CPED1: variants seen among roughly 807,000 people sequenced by gnomAD.
CPED1 encodes the protein cadherin-like and PC-esterase domain-containing protein 1.
A neutral mutation model predicts 128.2 loss-of-function variants in CPED1; 114 were observed. That is an observed-to-expected ratio of 0.89 (90% CI 0.76 to 1.04). The LOEUF (loss-of-function observed/expected upper bound fraction) is 1.04. CPED1 is among the 50% of genes least tolerant of loss of function. CPED1 has a pLI of 0.00. For missense variants in CPED1, 1,211 were observed against 1,207.1 expected (o/e 1.00, Z -0.05); for synonymous variants, 462 against 426.7 (o/e 1.08, Z -1.02).
chr7:121,286,278 C>T (rs544331001), intron 22 of CPED1, among the ~76,000 whole-genome samples: 11 of 152,200 alleles, frequency 7.2e-5, no homozygotes, highest in East Asian at 1.9e-4. Context: ...CTACAATTCA[C>T]GATGAGATTC....
At chr7:121,289,058 T>C (rs535869503) in intron 22 of CPED1, among the ~76,000 whole-genome samples, 1 of 152,238 alleles carries the variant, frequency 6.6e-6, no homozygotes, top group East Asian at 1.9e-4. Context: ...GAAAGAGCTG[T>C]ACACAGTAGA....
chr7:121,061,878 G>T (rs145875043), intron 4 of CPED1, among the ~76,000 whole-genome samples: 60 of 152,274 alleles, frequency 3.9e-4, no homozygotes, highest in African/African-American at 1.4e-3. Flanking sequence ...CATGACCCTT[G>T]AATGTTTTTA....
chr7:121,189,760 T>TTTTATATATATATATA (rs1472274298), intron 16 of CPED1, among the ~76,000 whole-genome samples: 4 of 47,466 alleles, frequency 8.4e-5, no homozygotes, highest in Admixed American at 3.2e-4. Flanking sequence ...TTATGAGGTT[T>TTTTATATATATATATA]TATATATATA....
chr7:121,278,685 A>G (rs1240039076), intron 22 of CPED1, among the ~76,000 whole-genome samples: 2 of 152,164 alleles, frequency 1.3e-5, no homozygotes, highest in African/African-American at 2.4e-5. Flanking sequence ...GAATAAATTC[A>G]CTGGTCATGA....
intron 18 of CPED1, among the ~76,000 whole-genome samples, chr7:121,252,452 C>A (rs369827916): frequency 4.0e-5 from 6 of 150,914 alleles, no homozygotes; most frequent in African/African-American, 1.2e-4. Flanking sequence ...GCAACAAAAG[C>A]CAAAATTGAC....
At chr7:121,114,061 AC>A in intron 7 of CPED1, among the ~76,000 whole-genome samples, 1 of 152,020 alleles carries the variant, frequency 6.6e-6, no homozygotes, top group East Asian at 1.9e-4. Context: ...CGACCTCCTG[AC>A]CTCGTGATCC....
rs559485575 is a variant in CPED1, at chr7:121,295,884, T to C, written c.*232T>C. 4.8e-5 allele frequency: 20 copies of C among 417,180 alleles called. 1 individual carries two copies. The highest frequency in any genetic ancestry group is 6.3e-4 in the Middle Eastern group (1 of 1,588). The allele number at this position is 417,180 out of a possible 1,614,324, so 25.8% of individuals were successfully genotyped here. A position where few individuals can be genotyped will look rare whatever the true frequency, so the allele number is the denominator to read the frequency against. On this transcript the variant is annotated 3_prime_UTR_variant, in exon 23 of 23. Transcript: ENST00000310396. The stretch of plus-strand genomic sequence containing the variant: ...CACCAGTCCATTTCACAGTGAAAGA[T>C]ATACCTAGAGAAACGTTACTTGAAG...
chr7:121,053,822 G>A (rs1793424640), intron 4 of CPED1, among the ~76,000 whole-genome samples: 1 of 152,012 alleles, frequency 6.6e-6, no homozygotes, highest in African/African-American at 2.4e-5. Context: ...TGGACTAATG[G>A]ATATTTGTTG....
Position 121,161,170 on chromosome 7 carries a change from A to G in CPED1, c.2055+19029A>G, listed in dbSNP as rs77497343. On this transcript the variant is annotated intron_variant, in intron 16 of 22. Coordinates refer to ENST00000310396, the MANE Select transcript of CPED1 (RefSeq NM_024913.5). ...TTTGGTAGCTTAGAAATCCAGGGGC[A>G]GTGGGACGGTGTTCTCTGCTCAGAG... 6.9e-3 allele frequency among the ~76,000 whole-genome samples: 1,056 copies of G among 152,278 alleles called. 5 individuals carry two copies. Among genetic ancestry groups the G allele is most frequent in the Middle Eastern group, 0.027 (8 of 294 alleles).
chr7:121,248,856 CAT>C (rs1798601210), intron 18 of CPED1, among the ~76,000 whole-genome samples: 2 of 152,180 alleles, frequency 1.3e-5, no homozygotes, highest in South Asian at 4.1e-4. Context: ...AAATGATAGA[CAT>C]AGAATTCAGA....
At chr7:121,201,309 A>G (rs1563063540) in intron 16 of CPED1, among the ~76,000 whole-genome samples, 1 of 152,026 alleles carries the variant, frequency 6.6e-6, no homozygotes, top group Admixed American at 6.6e-5. Flanking sequence ...GCACACACCT[A>G]TAATTGCAGC....
At chr7:121,023,141 G>A (rs1001521773) in intron 3 of CPED1, among the ~76,000 whole-genome samples, 15 of 151,996 alleles carry the variant, frequency 9.9e-5, no homozygotes, top group African/African-American at 3.1e-4. Context: ...AATTATTTAC[G>A]TATACTTCAA....
At chr7:121,117,023 CATT>C (rs1413567735) in intron 7 of CPED1, among the ~76,000 whole-genome samples, 5 of 145,682 alleles carry the variant, frequency 3.4e-5, no homozygotes, top group South Asian at 4.3e-4. Context: ...TATATACACA[CATT>C]ATATGTATAT....
chr7:121,130,071 AT>A, intron 11 of CPED1, 53 bp from the exon 12 acceptor site: 1 of 1,355,744 alleles, frequency 7.4e-7, no homozygotes, highest in Middle Eastern at 1.8e-4. Context: ...GTTCATAGTA[AT>A]ACTACATTAT....
At chr7:121,102,404 G>T (rs1390180315) in intron 7 of CPED1, among the ~76,000 whole-genome samples, 1 of 152,050 alleles carries the variant, frequency 6.6e-6, no homozygotes, top group Non-Finnish European at 1.5e-5. Flanking sequence ...GTGAATCCAA[G>T]GAGAAGGGAC....
intron 14 of CPED1, 56 bp downstream of exon 14, chr7:121,136,146 A>G: frequency 1.3e-6 from 2 of 1,489,264 alleles, no homozygotes; most frequent in Non-Finnish European, 1.8e-6. Context: ...GAACAGCCTT[A>G]CTTTGAAAAA....
chr7:121,158,012 G>A (rs149292836), intron 16 of CPED1, among the ~76,000 whole-genome samples: 2 of 152,102 alleles, frequency 1.3e-5, no homozygotes, highest in African/African-American at 2.4e-5. Flanking sequence ...AAAATTTTTT[G>A]ATGAAAGGGA....
chr7:121,050,899 C>T (rs1793333345), intron 4 of CPED1: 2 of 482,186 alleles, frequency 4.1e-6, no homozygotes, highest in Non-Finnish European at 4.2e-6. Context: ...GCACCCTCCT[C>T]GTCACCAGGA....
intron 2 of CPED1, among the ~76,000 whole-genome samples, chr7:120,993,173 C>T (rs1189369863): frequency 6.6e-6 from 1 of 152,170 alleles, no homozygotes; most frequent in Non-Finnish European, 1.5e-5. Flanking sequence ...GTGTTGTCTT[C>T]ATCAAAGTAG....
Sources: gnomAD v4.1 joint callset for allele counts (sites outside exome capture counted in the v4.1 genomes callset) on GRCh38, gnomAD v4.1.1 for gene constraint, MANE v1.5 for transcripts, NCBI Gene and HGNC (gene_info 2026-07-23, HGNC 2026-07-21) for gene names.